Variants in IL1RAPL2 observed in about 807,000 individuals in gnomAD.
IL1RAPL2 encodes the protein X-linked interleukin-1 receptor accessory protein-like 2.
In IL1RAPL2, 3 loss-of-function variants were observed where a neutral mutation model predicts 44.1. The ratio of observed to expected loss-of-function variants is 0.07; its 90% CI spans 0.03 to 0.18. The LOEUF (loss-of-function observed/expected upper bound fraction) is 0.18. Ranked by LOEUF, IL1RAPL2 falls within the 10% of genes least tolerant of loss-of-function variation. The probability of loss-of-function intolerance (pLI) is 1.00; values close to 1 mark genes in which losing one functional copy is unlikely to be tolerated. For missense variants in IL1RAPL2, 391 were observed against 496.4 expected (o/e 0.79, Z 2.02); for synonymous variants, 181 against 178.8 (o/e 1.01, Z -0.10).
intron 6 of IL1RAPL2, among the ~76,000 whole-genome samples, chrX:105,566,581 G>A (rs781153533): frequency 8.9e-6 from 1 of 111,734 alleles, no homozygotes; most frequent in Non-Finnish European, 1.9e-5. Context: ...CATTAAGGAC[G>A]TCTGAAAACC....
At chrX:105,705,436 G>T (rs2038158402) in intron 6 of IL1RAPL2, among the ~76,000 whole-genome samples, 1 of 110,851 alleles carries the variant, frequency 9.0e-6, no homozygotes, top group African/African-American at 3.3e-5. Flanking sequence ...TCAGATTTTT[G>T]ACTACAGAAG....
intron 3 of IL1RAPL2, among the ~76,000 whole-genome samples, chrX:105,203,755 C>T (rs782211929): frequency 9.0e-6 from 1 of 111,707 alleles, no homozygotes; most frequent in East Asian, 2.8e-4. Flanking sequence ...ATAATGCATT[C>T]TTTACCTGAC....
intron 1 of IL1RAPL2, among the ~76,000 whole-genome samples, chrX:104,657,403 G>A (rs916315100): frequency 9.0e-6 from 1 of 111,383 alleles, no homozygotes; most frequent in Non-Finnish European, 1.9e-5. Flanking sequence ...ATAGTGCTGG[G>A]AAAACTGGCT....
At chrX:105,229,191 A>C (rs2034045304) in intron 3 of IL1RAPL2, among the ~76,000 whole-genome samples, 1 of 112,260 alleles carries the variant, frequency 8.9e-6, no homozygotes, top group East Asian at 2.8e-4. Context: ...TATTTTAAAT[A>C]GAACCAGCCT....
chrX:105,513,793 T>A (rs1355083389), intron 6 of IL1RAPL2, among the ~76,000 whole-genome samples: 2 of 110,379 alleles, frequency 1.8e-5, no homozygotes, highest in African/African-American at 6.8e-5. Flanking sequence ...ATTTGTCAAT[T>A]TTGGCTTTTG....
chrX:104,709,056 T>G, intron 2 of IL1RAPL2, among the ~76,000 whole-genome samples: 1 of 111,359 alleles, frequency 9.0e-6, no homozygotes, highest in East Asian at 2.9e-4. Flanking sequence ...ATAAGGAAGA[T>G]CTATATAGCG....
intron 2 of IL1RAPL2, among the ~76,000 whole-genome samples, chrX:104,676,163 G>T (rs1335465745): frequency 1.8e-5 from 2 of 110,583 alleles, no homozygotes; most frequent in Non-Finnish European, 3.8e-5. Flanking sequence ...TGGTTATTTT[G>T]CTCGTTAGTT....
intron 6 of IL1RAPL2, among the ~76,000 whole-genome samples, chrX:105,670,534 C>T (rs1037586509): frequency 2.8e-5 from 3 of 106,443 alleles, no homozygotes; most frequent in Admixed American, 1.0e-4. Context: ...CTCCTGATCT[C>T]GTGATGCCCC....
chrX:104,982,923 G>T (rs2030470525), intron 2 of IL1RAPL2, among the ~76,000 whole-genome samples: 1 of 110,812 alleles, frequency 9.0e-6, no homozygotes, highest in Non-Finnish European at 1.9e-5. Flanking sequence ...AGTGCTATTT[G>T]TTTTTATTTT....
At chrX:104,730,994 T>A (rs1192997142) in intron 2 of IL1RAPL2, among the ~76,000 whole-genome samples, 1 of 111,564 alleles carries the variant, frequency 9.0e-6, no homozygotes, top group Non-Finnish European at 1.9e-5. Flanking sequence ...CATTTTTTCA[T>A]GTGTCTTTTG....
chrX:105,477,788 G>A (rs988430763), intron 5 of IL1RAPL2, among the ~76,000 whole-genome samples: 5 of 111,322 alleles, frequency 4.5e-5, no homozygotes, highest in Admixed American at 9.6e-5. Flanking sequence ...GCGCACTTTC[G>A]GACAAAGAGC....
At chrX:104,710,700 A>G (rs1390286272) in intron 2 of IL1RAPL2, among the ~76,000 whole-genome samples, 1 of 111,448 alleles carries the variant, frequency 9.0e-6, no homozygotes, top group Admixed American at 9.5e-5. Context: ...GATGAATTAC[A>G]TATAGGATGA....
chrX:105,338,298 C>T (rs1369338238), intron 5 of IL1RAPL2, among the ~76,000 whole-genome samples: 1 of 111,942 alleles, frequency 8.9e-6, no homozygotes, highest in African/African-American at 3.2e-5. Context: ...ATACTCTTTG[C>T]TGATGAAGAG....
intron 5 of IL1RAPL2, among the ~76,000 whole-genome samples, chrX:105,396,476 T>C (rs2035563851): frequency 2.0e-5 from 2 of 101,703 alleles, no homozygotes; most frequent in Admixed American, 1.1e-4. Context: ...ATAGCTACTG[T>C]CTGAATGGAT....
chrX:104,746,016 G>C (rs1191599755), intron 2 of IL1RAPL2, among the ~76,000 whole-genome samples: 1 of 111,457 alleles, frequency 9.0e-6, no homozygotes, highest in Non-Finnish European at 1.9e-5. Context: ...AATCATTTAA[G>C]ATATTGTAAA....
intron 2 of IL1RAPL2, among the ~76,000 whole-genome samples, chrX:104,849,833 T>A (rs976667635): frequency 4.5e-5 from 5 of 111,571 alleles, no homozygotes; most frequent in Non-Finnish European, 9.4e-5. Context: ...GGTTAATTAC[T>A]ATATTTTAAC....
chrX:105,437,122 A>C (rs2035887687), intron 5 of IL1RAPL2, among the ~76,000 whole-genome samples: 1 of 108,430 alleles, frequency 9.2e-6, no homozygotes, highest in African/African-American at 3.3e-5. Context: ...CTTATGTAAT[A>C]GTGAGAATTC....
chrX:105,158,208 A>G (rs1294622852), intron 2 of IL1RAPL2, among the ~76,000 whole-genome samples: 1 of 19,681 alleles, frequency 5.1e-5, no homozygotes, highest in Non-Finnish European at 8.8e-5. Flanking sequence ...ATACAAAAAA[A>G]TTACCTGGGT....
At chrX:104,830,659 T>A (rs1232460508) in intron 2 of IL1RAPL2, among the ~76,000 whole-genome samples, 2 of 111,845 alleles carry the variant, frequency 1.8e-5, no homozygotes, top group Non-Finnish European at 3.8e-5. Context: ...AGAGTTCATA[T>A]TTAAGCTCTT....
Sources: allele counts gnomAD v4.1 joint callset (sites outside exome capture counted in the v4.1 genomes callset), GRCh38; gene constraint gnomAD v4.1.1; transcripts MANE v1.5; gene names NCBI Gene and HGNC (gene_info 2026-07-23, HGNC 2026-07-21).